The following MGA variants were observed in gnomAD, a reference collection of about 807,000 sequenced individuals.
MGA encodes the protein MAX gene-associated protein.
MGA carries 40 observed loss-of-function variants against 261.1 expected under a neutral mutation model. The ratio of observed to expected loss-of-function variants is 0.15; its 90% CI spans 0.12 to 0.20. The LOEUF (loss-of-function observed/expected upper bound fraction) is 0.20, where lower values mean the gene tolerates loss of function less well. MGA is among the 10% of genes least tolerant of loss of function. The pLI is 1.00. For missense variants in MGA, 3,397 were observed against 3,630.5 expected, an observed-to-expected ratio of 0.94 and a Z score of 1.65; for synonymous variants, 1,302 against 1,290.6, an observed-to-expected ratio of 1.01 and a Z score of -0.19.
intron 9 of MGA, among the ~76,000 whole-genome samples, chr15:41,717,824 T>C (rs949834838): frequency 1.3e-5 from 2 of 152,210 alleles, no homozygotes; most frequent in Non-Finnish European, 2.9e-5. Context: ...AACATAGATG[T>C]AAAATTTCTA....
chr15:41,656,295 G>T (rs1308392479), upstream of MGA, among the ~76,000 whole-genome samples: 2 of 147,032 alleles, frequency 1.4e-5, no homozygotes, highest in Non-Finnish European at 3.0e-5. Context: ...CTTGAGATGT[G>T]GGGCAGCAAG....
In MGA at chr15:41,696,979, C is replaced by A; in HGVS notation, c.1969C>A (p.Leu657Met). The A allele has an allele frequency of 6.3e-7, 1 of 1,593,484 alleles. No individual in the cohort carries two copies. The highest frequency in any genetic ancestry group is 1.1e-5 in the South Asian group (1 of 88,220). ...TACCTTTCCAGATGTGAAGCCTGAT[C>A]TGGAAGATGTGGATGGTGTTCTCTT... Residue 657 changes from leucine to methionine, a missense_variant, in exon 3 of 24, where the codon CTG (leucine) becomes ATG (methionine). This residue lies in a region of MGA where 563 missense variants were observed against 563.6 expected (regional missense o/e 1.00). Transcript: ENST00000219905.
intron 8 of MGA, among the ~76,000 whole-genome samples, 193 bp downstream of exon 8, chr15:41,711,542 C>G (rs1489956870): frequency 6.7e-6 from 1 of 149,412 alleles, no homozygotes; most frequent in Non-Finnish European, 1.5e-5. Context: ...TAGATTTCTC[C>G]TGCCATCAGA....
rs369561131 is a variant in MGA, at chr15:41,707,780, C to T, written c.2241C>T (p.Tyr747=). 6.9e-5 allele frequency: 112 copies of T among 1,613,398 alleles called. No individual in the cohort carries two copies. The highest frequency in any genetic ancestry group is 1.6e-4 in the Middle Eastern group (1 of 6,082). Reference sequence around the variant, plus strand: ...CAACAATGAGCATTGATCTTAAATACTTGGGAGTACAGTTACCTTTGGCTC... The same window carrying T: ...CAACAATGAGCATTGATCTTAAATATTTGGGAGTACAGTTACCTTTGGCTC... Residue 747 remains tyrosine (Y), a synonymous_variant, in exon 6 of 24, where the codon TAC becomes TAT. Coordinates refer to ENST00000219905, the MANE Select transcript of MGA (RefSeq NM_001164273.2).
chr15:41,719,739 T>A (rs1375390322), intron 9 of MGA, among the ~76,000 whole-genome samples: 7 of 151,768 alleles, frequency 4.6e-5, no homozygotes, highest in African/African-American at 1.7e-4. Context: ...TGAGACCCTG[T>A]CTCAAAAAAA....
upstream of MGA, among the ~76,000 whole-genome samples, chr15:41,656,377 T>TCCCTCTCTCTCTCTCTCTCTCA: frequency 1.5e-5 from 1 of 68,322 alleles, no homozygotes; most frequent in East Asian, 7.5e-4. Flanking sequence ...TCTCTCTCTC[T>TCCCTCTCTCTCTCTCTCTCTCA]CACACCCAGG....
chr15:41,657,692 A>G (rs966563627), upstream of MGA, among the ~76,000 whole-genome samples: 2 of 152,088 alleles, frequency 1.3e-5, no homozygotes, highest in African/African-American at 4.8e-5. Flanking sequence ...AAACAAAAAA[A>G]AAAACAAGCA....
At chr15:41,644,346 CAAAAAAA>C (rs34743222) in intron 1 of MGA, among the ~76,000 whole-genome samples, 2 of 65,696 alleles carry the variant, frequency 3.0e-5, no homozygotes, top group Admixed American at 2.0e-4. Flanking sequence ...CCATCTGTAC[CAAAAAAA>C]AAAAAAAAAA....
chr15:41,703,624 C>A (rs1017668557), intron 5 of MGA, among the ~76,000 whole-genome samples: 1 of 152,052 alleles, frequency 6.6e-6, no homozygotes. Flanking sequence ...TGCCTGTAAT[C>A]CCAGTTACTC....
chr15:41,752,149 C>T (rs2062870107), intron 17 of MGA: 1 of 152,210 alleles, frequency 6.6e-6, no homozygotes, highest in Admixed American at 6.5e-5. Flanking sequence ...TCTCCTGCTT[C>T]AGCCTCCTGA....
chr15:41,678,493 C>A (rs1295706278), intron 2 of MGA, among the ~76,000 whole-genome samples: 1 of 150,880 alleles, frequency 6.6e-6, no homozygotes, highest in Non-Finnish European at 1.5e-5. Flanking sequence ...TGGCCGGGTG[C>A]TGTGGCTCAT....
chr15:41,747,040 C>T (rs1434494966), intron 15 of MGA, among the ~76,000 whole-genome samples: 1 of 151,254 alleles, frequency 6.6e-6, no homozygotes, highest in East Asian at 1.9e-4. Context: ...ATATGTCTTC[C>T]AATCAGGAAA....
rs200358860 is a variant in MGA at position 41,638,960 on chromosome 15, C to G, written c.-68+17662C>G. 3.9e-5 allele frequency among the ~76,000 whole-genome samples: 6 copies of G among 152,130 alleles called. No homozygotes were observed. The East Asian group carries it at 1.2e-3, about 29-fold the overall frequency. On this transcript the variant is annotated intron_variant, in intron 1 of 8. Coordinates refer to the MGA transcript ENST00000566718. The stretch of plus-strand genomic sequence containing the variant: ...TCTTGGGATCAAGTGATCCACCTGT[C>G]TTGGCCTCCCAAAGTGCTAGGATTA...
At chr15:41,686,279 G>A (rs1015833509) in intron 2 of MGA, among the ~76,000 whole-genome samples, 3 of 152,108 alleles carry the variant, frequency 2.0e-5, no homozygotes, top group African/African-American at 4.8e-5. Flanking sequence ...TTGGGAGGCC[G>A]AGGTAGGAGG....
chr15:41,760,390 C>T lies in MGA; in HGVS notation c.7259C>T (p.Ala2420Val), dbSNP rs2151991808. 5 of 1,613,970 alleles carry T rather than the reference C, an allele frequency of 3.1e-6. No homozygotes were observed. The highest frequency in any genetic ancestry group is 4.2e-6 in the Non-Finnish European group (5 of 1,179,900). ...GACAAACTACAGAAAGAAGCAGAAG[C>T]GTTTGCTTATTATCGCCGGACACAC... The change falls in exon 20 of 24, where the codon GCG (alanine) becomes GTG (valine). Residue 2420 changes from alanine (A) to valine (V), a missense_variant. Ala to Val is a moderately conservative substitution (Grantham distance 64). Coordinates refer to ENST00000219905, the MANE Select transcript of MGA (RefSeq NM_001164273.2).
chr15:41,749,961 A>G lies in MGA; in HGVS notation c.6354A>G (p.Lys2118=), dbSNP rs761344906. The stretch of plus-strand genomic sequence containing the variant: ...GTGATGTGAAGGTGGAACAGCAGAA[A>G]GGATTTGACAATCCAGAAGAAAACT... Residue 2118 remains lysine, a synonymous_variant, in exon 17 of 24, where the codon AAA becomes AAG. Coordinates refer to ENST00000219905, the MANE Select transcript of MGA (RefSeq NM_001164273.2). 60 of 1,612,908 alleles carry G rather than the reference A, an allele frequency of 3.7e-5. No individual in the cohort carries two copies. The highest frequency in any genetic ancestry group is 4.7e-5 in the Non-Finnish European group (55 of 1,179,630).
In MGA at chr15:41,740,589, A is replaced by G. The variant is rs962771541; in HGVS notation, c.4585+386A>G. Among the ~76,000 whole-genome samples the G allele has an allele frequency of 2.0e-5, 3 of 152,134 alleles. 1 individual carries two copies. Among genetic ancestry groups the G allele is most frequent in the Non-Finnish European group, 4.4e-5 (3 of 68,018 alleles). On this transcript the variant is annotated intron_variant, in intron 14 of 23. Coordinates refer to ENST00000219905, the MANE Select transcript of MGA (RefSeq NM_001164273.2). ...AAATAGTTTACTATTATACTAAATT[A>G]TTTACTAAAATATTTTACTAAATTA...
intron 14 of MGA, 96 bp from the exon 15 acceptor site, chr15:41,742,450 G>A: frequency 7.1e-7 from 1 of 1,404,372 alleles, no homozygotes; most frequent in Non-Finnish European, 9.6e-7. Flanking sequence ...GTAAGAAATT[G>A]ACCCAGTAGT....
rs1328873345 is a variant in MGA, at chr15:41,721,449, T to C, written c.3431-5731T>C. 4.6e-5 allele frequency among the ~76,000 whole-genome samples: 7 copies of C among 152,182 alleles called. No homozygotes were observed. The East Asian group carries it at 9.7e-4, about 21-fold the overall frequency. On this transcript the variant is annotated intron_variant, in intron 9 of 23. Coordinates refer to ENST00000219905, the MANE Select transcript of MGA (RefSeq NM_001164273.2). ...TGCCACTGCACTCCAGCCTGGGAGATAGAACGAGACTCTGTCTCAAAAATA... is the reference window on the plus strand; with the variant it reads ...TGCCACTGCACTCCAGCCTGGGAGACAGAACGAGACTCTGTCTCAAAAATA...
Sources: allele counts gnomAD v4.1 joint callset (sites outside exome capture counted in the v4.1 genomes callset), GRCh38; gene constraint gnomAD v4.1.1; regional missense constraint gnomAD v4.1.1; transcripts MANE v1.5; gene names NCBI Gene and HGNC (gene_info 2026-07-23, HGNC 2026-07-21).